Variants in APLF observed in about 807,000 individuals in gnomAD.
The protein encoded by APLF is aprataxin and PNK-like factor.
APLF carries 61 observed loss-of-function variants against 55.6 expected under a neutral mutation model. The ratio of observed to expected loss-of-function variants is 1.10; its 90% confidence interval spans 0.89 to 1.36. APLF has a LOEUF of 1.36. APLF is among the 40% of genes most tolerant of loss of function. The pLI is 0.00. For missense variants in APLF, 611 were observed against 602.5 expected (o/e 1.01, Z -0.15); for synonymous variants, 207 against 214.8 (o/e 0.96, Z 0.32).
chr2:68,575,852 AG>A (rs1671606875), intron 9 of APLF, among the ~76,000 whole-genome samples: 2 of 152,314 alleles, frequency 1.3e-5, no homozygotes, highest in South Asian at 4.1e-4. Context: ...ATAATGCTTA[AG>A]TATCCAGATA....
chr2:68,544,321 C>CT (rs1267156740), intron 7 of APLF, among the ~76,000 whole-genome samples: 6 of 151,996 alleles, frequency 3.9e-5, no homozygotes, highest in Non-Finnish European at 7.4e-5. Context: ...TTGTGAATGC[C>CT]TTTTTTTACT....
intron 5 of APLF, among the ~76,000 whole-genome samples, chr2:68,517,516 A>T (rs1353607154): frequency 7.1e-6 from 1 of 141,366 alleles, no homozygotes; most frequent in Non-Finnish European, 1.5e-5. Flanking sequence ...CTATATATTA[A>T]TATATCAATA....
At position 68,502,928 on chromosome 2, in the gene APLF, A is replaced by C. The variant is rs748560739; in HGVS notation, c.341+25A>C. The C allele has an allele frequency of 8.8e-6, 14 of 1,582,180 alleles. No individual in the cohort carries two copies. The Admixed American group carries it at 1.7e-4, about 19-fold the overall frequency. On this transcript the variant is annotated intron_variant, in intron 3 of 9. Transcript: ENST00000303795. The stretch of plus-strand genomic sequence containing the variant: ...GGTAAGTGCCTGATGAAATGAGAGT[A>C]AGAATGTTATTTTTAATCTAATTCC...
chr2:68,471,364 A>G (rs1675611780), intron 1 of APLF, among the ~76,000 whole-genome samples: 1 of 152,242 alleles, frequency 6.6e-6, no homozygotes, highest in South Asian at 2.1e-4. Flanking sequence ...TAGCTGATAA[A>G]TATATACTAT....
At chr2:68,550,971 A>G (rs72901995) in intron 8 of APLF, among the ~76,000 whole-genome samples, 1,626 of 152,160 alleles carry the variant, frequency 0.011, 23 homozygotes, top group African/African-American at 0.037. Context: ...CTAAACGTCT[A>G]TCCTTTCATC....
Position 68,567,406 on chromosome 2 carries a change from G to A in APLF, c.1333+19G>A. The stretch of plus-strand genomic sequence containing the variant: ...CTTCCAGGTAAGTAAGTTTACTTCA[G>A]AAAATTCAAAATGAAACCTTTAAAT... On this transcript the variant is annotated intron_variant, in intron 9 of 9. Coordinates refer to ENST00000303795, the MANE Select transcript of APLF (RefSeq NM_173545.3). The A allele has an allele frequency of 6.4e-7, 1 of 1,565,224 alleles. No individual in the cohort carries two copies.
chr2:68,481,810 C>G (rs1043931862), intron 1 of APLF, among the ~76,000 whole-genome samples: 2 of 151,846 alleles, frequency 1.3e-5, no homozygotes, highest in Non-Finnish European at 2.9e-5. Flanking sequence ...ATACTTTTTT[C>G]TTTTCTTTGG....
At position 68,481,289 on chromosome 2, in the gene APLF, C is replaced by T. The variant is rs181671034; in HGVS notation, c.97-8901C>T. Among the ~76,000 whole-genome samples, 17 of 152,154 alleles carry T rather than the reference C, an allele frequency of 1.1e-4. No homozygotes were observed. In the East Asian group the frequency reaches 1.9e-3, roughly 17 times the overall value. The stretch of plus-strand genomic sequence containing the variant: ...GGGCTTGTTGAGTGGTGACGGAATT[C>T]CCTTAGTTTTTGCTTGTTTGGGAAA... On this transcript the variant is annotated intron_variant, in intron 1 of 9. Transcript: ENST00000303795.
intron 1 of APLF, among the ~76,000 whole-genome samples, chr2:68,473,781 G>C (rs1361133596): frequency 6.6e-6 from 1 of 152,160 alleles, no homozygotes; most frequent in Non-Finnish European, 1.5e-5. Context: ...CAACACAGAA[G>C]ACTCCTGTGA....
At chr2:68,491,938 CCTT>C (rs1209404582) in intron 2 of APLF, among the ~76,000 whole-genome samples, 2 of 152,010 alleles carry the variant, frequency 1.3e-5, no homozygotes, top group East Asian at 1.9e-4. Context: ...AAGAAGAAAC[CCTT>C]CTTATAACAA....
chr2:68,515,195 C>G lies in APLF; in HGVS notation c.622+1515C>G, dbSNP rs558797270. Among the ~76,000 whole-genome samples the G allele has an allele frequency of 5.3e-5, 8 of 151,734 alleles. No homozygotes were observed. The South Asian group carries it at 1.2e-3, about 24-fold the overall frequency. On this transcript the variant is annotated intron_variant, in intron 5 of 9. Transcript: ENST00000303795. ...TGTGTTAAGGGGCATGTGGTTTAAT[C>G]TGGAGAATTTTCCAATCTAAGCCTA...
intron 8 of APLF, among the ~76,000 whole-genome samples, chr2:68,563,760 T>A (rs1047964188): frequency 6.6e-6 from 1 of 152,076 alleles, no homozygotes; most frequent in Admixed American, 6.6e-5. Context: ...TATTCAACTT[T>A]TCAATGATCC....
chr2:68,512,065 C>T (rs1201674289), intron 3 of APLF, among the ~76,000 whole-genome samples: 1 of 151,686 alleles, frequency 6.6e-6, no homozygotes, highest in Non-Finnish European at 1.5e-5. Flanking sequence ...GGACAATTTA[C>T]ACACAGTAGA....
At chr2:68,468,838 G>A (rs1675518742) in intron 1 of APLF, among the ~76,000 whole-genome samples, 1 of 152,168 alleles carries the variant, frequency 6.6e-6, no homozygotes, top group Non-Finnish European at 1.5e-5. Context: ...CTGTGTCAGT[G>A]AGCTAACACC....
chr2:68,494,167 T>G (rs568058371), intron 2 of APLF, among the ~76,000 whole-genome samples: 1 of 147,376 alleles, frequency 6.8e-6, no homozygotes, highest in Non-Finnish European at 1.5e-5. Flanking sequence ...TCTCAGTTAC[T>G]CGGGAGGCTG....
rs1669743934 is a variant in APLF at position 68,518,578 on chromosome 2, TC to T, written c.622+4899del. 3.3e-5 allele frequency among the ~76,000 whole-genome samples: 4 copies of T among 122,308 alleles called. No individual in the cohort carries two copies. In the South Asian group the frequency reaches 9.6e-4, roughly 29 times the overall value. The allele number at this position is 122,308 out of a possible 152,430, so 80.2% of individuals were successfully genotyped here. A position where few individuals can be genotyped will look rare whatever the true frequency, so the allele number is the denominator to read the frequency against. On this transcript the variant is annotated intron_variant, in intron 5 of 9. Coordinates refer to ENST00000303795, the MANE Select transcript of APLF (RefSeq NM_173545.3). The stretch of plus-strand genomic sequence containing the variant: ...TAATGTATCATGAATATATAATATA[TC>T]AATAATATATCATGAATATATAATA...
intron 1 of APLF, among the ~76,000 whole-genome samples, chr2:68,475,817 A>G (rs908787313): frequency 1.3e-5 from 2 of 152,134 alleles, no homozygotes; most frequent in African/African-American, 2.4e-5. Context: ...AGATATCTAG[A>G]TAAGACAATT....
At chr2:68,494,277 CAAAAA>C (rs59466460) in intron 2 of APLF, among the ~76,000 whole-genome samples, 48 of 49,538 alleles carry the variant, frequency 9.7e-4, no homozygotes, top group South Asian at 2.3e-3. Flanking sequence ...GACCCCGTCT[CAAAAA>C]AAAAAAAAAA....
chr2:68,528,409 C>T lies in APLF; in HGVS notation c.804+2167C>T, dbSNP rs575386112. On this transcript the variant is annotated intron_variant, in intron 6 of 9. Transcript: ENST00000303795. ...CAGGAGATAGACATGGAAGCTTAGC[C>T]GGTGGGGGCCTCTCATCTCTCTCCC... 126 of 1,534,396 alleles carry T rather than the reference C, an allele frequency of 8.2e-5. No individual in the cohort carries two copies. The East Asian group carries it at 1.1e-3, about 13-fold the overall frequency.
Sources: gnomAD v4.1 joint callset for allele counts (sites outside exome capture counted in the v4.1 genomes callset) on GRCh38, gnomAD v4.1.1 for gene constraint, MANE v1.5 for transcripts, NCBI Gene and HGNC (gene_info 2026-07-23, HGNC 2026-07-21) for gene names.